ANKRD26: variants seen among roughly 807,000 people sequenced by gnomAD.
ANKRD26 encodes the protein ankyrin repeat domain 26.
ANKRD26 carries 141 observed loss-of-function variants against 208.7 expected under a neutral mutation model. The observed-to-expected ratio is 0.68, with a 90% CI of 0.59 to 0.78. ANKRD26 has a LOEUF of 0.78. Ranked by LOEUF, ANKRD26 falls within the 30% of genes least tolerant of loss-of-function variation. ANKRD26 has a pLI of 0.00. For missense variants in ANKRD26, 1,889 were observed against 1,938.7 expected (o/e 0.97, Z 0.48); for synonymous variants, 636 against 660.4 (o/e 0.96, Z 0.57).
chr10:27,008,830 T>C (rs1218450203), intron 32 of ANKRD26, among the ~76,000 whole-genome samples: 3 of 152,180 alleles, frequency 2.0e-5, no homozygotes, highest in African/African-American at 7.2e-5. Context: ...AGCCTCTCAA[T>C]GACCCTTGAA....
At chr10:27,036,603 T>A (rs2135205088) in intron 23 of ANKRD26, among the ~76,000 whole-genome samples, 1 of 152,260 alleles carries the variant, frequency 6.6e-6, no homozygotes, top group South Asian at 2.1e-4. Context: ...GGGAGAAATA[T>A]GCTGAACTGT....
rs186509329 is a variant in ANKRD26, at chr10:26,995,755, A to C, written c.563-608T>G. 1.1e-3 allele frequency among the ~76,000 whole-genome samples: 164 copies of C among 152,298 alleles called. 1 individual carries two copies. Among genetic ancestry groups the C allele is most frequent in the African/African-American group, 3.7e-3 (154 of 41,568 alleles). ...ACACAGTTGACATTCATCTTGAGAC[A>C]CCTTGTCCCTTATTGGCTAATTGTG... On this transcript the variant is annotated intron_variant, in intron 4 of 5. Coordinates refer to the ANKRD26 transcript ENST00000445828.
Position 27,066,479 on chromosome 10 carries a change from G to T in ANKRD26, c.1269+8C>A. The T allele has an allele frequency of 6.6e-7, 1 of 1,522,980 alleles. No individual in the cohort carries two copies. Among genetic ancestry groups the T allele is most frequent in the Non-Finnish European group, 8.7e-7 (1 of 1,147,060 alleles). The allele number at this position is 1,522,980 out of a possible 1,614,324, so 94.3% of individuals were successfully genotyped here. A position where few individuals can be genotyped will look rare whatever the true frequency, so the allele number is the denominator to read the frequency against. ...TTTTAAAATAATAGTAACAACCATA[G>T]AAAGTACCTCAGAATCCCAAGGTGA... On this transcript the variant is annotated splice_region_variant and intron_variant, in intron 11 of 33. Transcript: ENST00000376087.
At chr10:27,023,307 A>G (rs1367556261) in intron 28 of ANKRD26, among the ~76,000 whole-genome samples, 1 of 151,840 alleles carries the variant, frequency 6.6e-6, no homozygotes, top group East Asian at 1.9e-4. Context: ...GCACCACCAC[A>G]CTCCAGCTTG....
chr10:27,060,353 G>A lies in ANKRD26; in HGVS notation c.1556C>T (p.Ser519Phe). 2 of 1,607,030 alleles carry A rather than the reference G, an allele frequency of 1.2e-6. No individual in the cohort carries two copies. The highest frequency in any genetic ancestry group is 1.7e-6 in the Non-Finnish European group (2 of 1,173,828). ...KAGGMKDVQT[S>F]KAAEHDLEVA... ...TATATTGCAACATTTACCTGCTTTG[G>A]ATGTTTGTACATCCTTCATTCCTCC... Residue 519 changes from serine (S) to phenylalanine (F), a missense_variant, in exon 15 of 34, where the codon TCC (serine) becomes TTC (phenylalanine). Physicochemically the swap from Ser to Phe is radical, Grantham distance 155 (BLOSUM62 -2). This residue lies in a region of ANKRD26 where 1,272 missense variants were observed against 1,273.8 expected (regional missense o/e 1.00). Transcript: ENST00000376087.
intron 20 of ANKRD26, 28 bp from the exon 21 acceptor site, chr10:27,040,206 A>G (rs1401068305): frequency 2.6e-6 from 4 of 1,516,244 alleles, no homozygotes; most frequent in Non-Finnish European, 3.6e-6. Context: ...CAAGATAGAA[A>G]TATATGAGCA....
At chr10:26,959,433 T>C in the ANKRD26 span, among the ~76,000 whole-genome samples, 4 of 152,138 alleles carry the variant, frequency 2.6e-5, no homozygotes, top group Non-Finnish European at 5.9e-5. Flanking sequence ...AGAGCTCATC[T>C]TAGGATGGGG....
the ANKRD26 span, among the ~76,000 whole-genome samples, chr10:26,948,950 T>TC: frequency 6.6e-6 from 1 of 151,866 alleles, no homozygotes; most frequent in Non-Finnish European, 1.5e-5. Flanking sequence ...AGCCGAAATC[T>TC]CACCATTGCA....
chr10:27,046,867 A>G (rs1378140021), intron 17 of ANKRD26, among the ~76,000 whole-genome samples: 2 of 152,190 alleles, frequency 1.3e-5, no homozygotes, highest in Admixed American at 1.3e-4. Flanking sequence ...GCTTTAAAAC[A>G]GAAGAGACAA....
intron 9 of ANKRD26, among the ~76,000 whole-genome samples, chr10:27,070,215 C>CATA (rs2055431287): frequency 1.3e-5 from 2 of 151,154 alleles, no homozygotes; most frequent in African/African-American, 4.9e-5. Flanking sequence ...GACCAGCCAA[C>CATA]ATAGCAAAAC....
rs746535031 is a variant in ANKRD26 at position 27,100,234 on chromosome 10, C to T, written c.93G>A (p.Gly31=). The change falls in exon 1 of 34, where the codon GGG becomes GGA. Residue 31 remains glycine, a synonymous_variant. Coordinates refer to ENST00000376087, the MANE Select transcript of ANKRD26 (RefSeq NM_014915.3). The stretch of plus-strand genomic sequence containing the variant: ...AGCCGGGCTGCGAGTAGGCGCCCTC[C>T]CCCGGCTCGCCCCCGCCTCCCGCGC... ...RSSAGGGGEP[G]EGAYSQPGYH... is the part of the protein sequence containing the mutation. The T allele has an allele frequency of 1.2e-5, 20 of 1,612,302 alleles. No individual in the cohort carries two copies. The highest frequency in any genetic ancestry group is 1.7e-4 in the Middle Eastern group (1 of 6,014).
intron 3 of ANKRD26, among the ~76,000 whole-genome samples, chr10:26,984,311 C>T (rs193023722): frequency 6.6e-6 from 1 of 152,300 alleles, no homozygotes; most frequent in Non-Finnish European, 1.5e-5. Context: ...CTGTTATCTG[C>T]TTCTAGTCCC....
chr10:26,988,896 T>C (rs1345996466), downstream of ANKRD26, among the ~76,000 whole-genome samples: 2 of 129,604 alleles, frequency 1.5e-5, no homozygotes, highest in African/African-American at 5.6e-5. Context: ...AAAAAAAAAA[T>C]GTATCTTCTC....
At chr10:27,054,487 A>C (rs183374131) in intron 15 of ANKRD26, among the ~76,000 whole-genome samples, 1 of 152,278 alleles carries the variant, frequency 6.6e-6, no homozygotes, top group Admixed American at 6.5e-5. Context: ...CGGGAGGCTG[A>C]GTCAGGAAAA....
chr10:27,098,381 A>C (rs761360109), intron 1 of ANKRD26, among the ~76,000 whole-genome samples: 6 of 152,092 alleles, frequency 3.9e-5, no homozygotes, highest in Non-Finnish European at 8.8e-5. Context: ...AAGAAAAAAA[A>C]GAAAGTGGGA....
At chr10:27,002,243 G>A (rs897047368), downstream of ANKRD26, among the ~76,000 whole-genome samples, 20 of 152,140 alleles carry the variant, frequency 1.3e-4, 3 homozygotes, top group Admixed American at 1.2e-3. Context: ...GCTGCTTAGG[G>A]GCCGGGACAC....
At chr10:27,034,323 A>G (rs932382774) in intron 24 of ANKRD26, among the ~76,000 whole-genome samples, 2 of 152,254 alleles carry the variant, frequency 1.3e-5, no homozygotes, top group Non-Finnish European at 1.5e-5. Context: ...CTGACAGAAA[A>G]GTATTAAGAG....
chr10:26,999,234 C>T (rs1011041561), downstream of ANKRD26, among the ~76,000 whole-genome samples: 2 of 152,102 alleles, frequency 1.3e-5, no homozygotes, highest in African/African-American at 4.8e-5. Context: ...TTAGAGTCTG[C>T]TTCAGTTATA....
intron 16 of ANKRD26, among the ~76,000 whole-genome samples, chr10:27,050,439 AG>A (rs1455565909): frequency 6.6e-6 from 1 of 152,174 alleles, no homozygotes; most frequent in African/African-American, 2.4e-5. Context: ...CTGGTTCAAC[AG>A]AAACATTTGA....
Sources: allele counts gnomAD v4.1 joint callset (sites outside exome capture counted in the v4.1 genomes callset), GRCh38; gene constraint gnomAD v4.1.1; regional missense constraint gnomAD v4.1.1; transcripts MANE v1.5; gene names NCBI Gene and HGNC (gene_info 2026-07-23, HGNC 2026-07-21).